ATP7A: variants seen among roughly 807,000 people sequenced by gnomAD.
ATP7A encodes copper-transporting ATPase 1.
In ATP7A, 7 loss-of-function variants were observed where a neutral mutation model predicts 83.5. The observed-to-expected ratio is 0.08, with a 90% CI of 0.05 to 0.16. The LOEUF (loss-of-function observed/expected upper bound fraction) is 0.16. ATP7A is among the 10% of genes least tolerant of loss of function. ATP7A has a pLI of 1.00. For synonymous variants in ATP7A, 354 were observed against 395.2 expected, an observed-to-expected ratio of 0.90 and a Z score of 1.24; for missense variants, 940 against 1,120.8, an observed-to-expected ratio of 0.84 and a Z score of 2.30.
rs782331879 is a variant in ATP7A at position 78,046,675 on chromosome X, C to T, written c.*105C>T. On this transcript the variant is annotated 3_prime_UTR_variant, in exon 23 of 23. Transcript: ENST00000341514. ...ATTGTAGAAGGATTTTTCTCATGCT[C>T]TTATATTAGGGATTCTATTTGAGTT... 4.8e-6 allele frequency: 5 copies of T among 1,046,443 alleles called. No individual in the cohort carries two copies. The East Asian group carries it at 9.1e-5, about 19-fold the overall frequency. 86.2% of individuals were successfully genotyped at this position (1,046,443 alleles called of 1,213,427 possible). A position where few individuals can be genotyped will look rare whatever the true frequency, so the allele number is the denominator to read the frequency against.
At chrX:77,930,283 A>C (rs1294831411) in intron 1 of ATP7A, among the ~76,000 whole-genome samples, 2 of 111,736 alleles carry the variant, frequency 1.8e-5, no homozygotes, top group Non-Finnish European at 1.9e-5. Context: ...TACTAAGTGA[A>C]TCTGAAAGGC....
At chrX:78,043,726 C>T (rs1280886673) in intron 21 of ATP7A, among the ~76,000 whole-genome samples, 3 of 100,505 alleles carry the variant, frequency 3.0e-5, no homozygotes, top group African/African-American at 7.4e-5. Flanking sequence ...CATACAATCT[C>T]GGCTCACTGC....
intron 1 of ATP7A, among the ~76,000 whole-genome samples, chrX:77,944,805 GGTAT>G (rs781880907): frequency 9.7e-4 from 104 of 107,241 alleles, no homozygotes; most frequent in Middle Eastern, 4.7e-3. Context: ...TCCTCAGTAT[GGTAT>G]GTATGTATGT....
At chrX:78,002,891 G>A (rs2077750065) in intron 5 of ATP7A, among the ~76,000 whole-genome samples, 182 bp from the exon 6 acceptor site, 1 of 109,128 alleles carries the variant, frequency 9.2e-6, no homozygotes, top group African/African-American at 3.3e-5. Context: ...ATCAGGCTAT[G>A]TTTTGGAATA....
chrX:77,942,053 A>G (rs1031197863), intron 1 of ATP7A, among the ~76,000 whole-genome samples: 2 of 112,056 alleles, frequency 1.8e-5, no homozygotes, highest in African/African-American at 6.5e-5. Flanking sequence ...CAGGTTTACT[A>G]TTTTTAGGCA....
chrX:77,972,336 C>T (rs1486007266), intron 2 of ATP7A, among the ~76,000 whole-genome samples: 2 of 110,354 alleles, frequency 1.8e-5, no homozygotes, highest in Non-Finnish European at 3.8e-5. Flanking sequence ...GGACCACAGG[C>T]GTGCACCACC....
intron 1 of ATP7A, among the ~76,000 whole-genome samples, chrX:77,932,197 C>G (rs1489856059): frequency 9.3e-6 from 1 of 107,488 alleles, no homozygotes; most frequent in East Asian, 3.1e-4. Context: ...ATGGGGCGGC[C>G]GGGCAGAGAC....
At chrX:78,022,172 G>A (rs1375525824) in intron 14 of ATP7A, among the ~76,000 whole-genome samples, 2 of 111,573 alleles carry the variant, frequency 1.8e-5, no homozygotes, top group Non-Finnish European at 3.8e-5. Flanking sequence ...TTTCCTGGTC[G>A]TGTGACAAGA....
In ATP7A at chrX:78,046,888, C is replaced by CAAA. The variant is rs200387829; in HGVS notation, c.*327_*329dup. On this transcript the variant is annotated 3_prime_UTR_variant, in exon 23 of 23. Coordinates refer to ENST00000341514, the MANE Select transcript of ATP7A (RefSeq NM_000052.7). ...TAAAGTGATTTTTTTTTTATTTGAC[C>CAAA]AAAAAAAAAAAGGCCCAAGAAGAAG... 1.5e-3 allele frequency: 197 copies of CAAA among 132,992 alleles called. 2 individuals carry two copies. Among genetic ancestry groups the CAAA allele is most frequent in the South Asian group, 4.8e-3 (17 of 3,537 alleles). The allele number at this position is 132,992 out of a possible 1,213,427, so 11.0% of individuals were successfully genotyped here.
intron 7 of ATP7A, among the ~76,000 whole-genome samples, chrX:78,010,182 A>C (rs782554769): frequency 2.1e-4 from 24 of 112,399 alleles, no homozygotes; most frequent in Non-Finnish European, 5.6e-5. Flanking sequence ...GCAAAGCTTC[A>C]ACCCTTAATT....
intron 17 of ATP7A, among the ~76,000 whole-genome samples, chrX:78,037,979 G>GTTTTTTTTTTTTT (rs1557237904): frequency 1.8e-5 from 1 of 56,852 alleles, no homozygotes; most frequent in Non-Finnish European, 3.0e-5. Flanking sequence ...GATCAAGAAA[G>GTTTTTTTTTTTTT]GTTTTTTTTT....
chrX:78,046,066 CA>C (rs1557239063), intron 22 of ATP7A, among the ~76,000 whole-genome samples: 1 of 112,231 alleles, frequency 8.9e-6, no homozygotes, highest in East Asian at 2.8e-4. Flanking sequence ...ATAGCAACCA[CA>C]AGCACTGAGT....
chrX:77,997,221 TA>T (rs1557232655), intron 4 of ATP7A, among the ~76,000 whole-genome samples: 5 of 112,411 alleles, frequency 4.4e-5, no homozygotes, highest in South Asian at 3.6e-4. Flanking sequence ...TACTCAGACC[TA>T]GGCTGGCAGC....
At position 78,038,947 on chromosome X, in the gene ATP7A, G is replaced by T. The variant is rs146392305; in HGVS notation, c.3623G>T (p.Arg1208Ile). Reference sequence around the variant, plus strand: ...AATGATTTCATGACTGAACATGAGAGAAAAGGTCGGACTGCTGTATTAGTA... The same window carrying T: ...AATGATTTCATGACTGAACATGAGATAAAAGGTCGGACTGCTGTATTAGTA... ...DVNDFMTEHE[R>I]KGRTAVLVAV... Residue 1208 changes from arginine (R) to isoleucine (I), a missense_variant, in exon 18 of 23, where the codon AGA becomes ATA. By Grantham distance (97) the Arg-to-Ile change is moderately conservative. Around this residue, in one of 3 missense-constraint regions of ATP7A, gnomAD observed 386 missense variants for 502.2 expected, o/e 0.77. Coordinates refer to ENST00000341514, the MANE Select transcript of ATP7A (RefSeq NM_000052.7). 24 of 1,209,812 alleles carry T rather than the reference G, an allele frequency of 2.0e-5. No homozygotes were observed. The African/African-American group carries it at 3.8e-4, about 19-fold the overall frequency.
At chrX:77,946,656 A>G in intron 1 of ATP7A, among the ~76,000 whole-genome samples, 1 of 108,881 alleles carries the variant, frequency 9.2e-6, no homozygotes, top group Non-Finnish European at 1.9e-5. Flanking sequence ...TGATTCTTCA[A>G]TTCTTCATTG....
chrX:78,045,565 C>A lies in ATP7A; in HGVS notation c.4219C>A (p.Leu1407Ile), dbSNP rs1557239007. Residue 1407 changes from leucine (L) to isoleucine (I), a missense_variant, in exon 22 of 23, where the codon CTT (leucine) becomes ATT (isoleucine). This residue lies in a region of ATP7A where 386 missense variants were observed against 502.2 expected (regional missense o/e 0.77). Coordinates refer to ENST00000341514, the MANE Select transcript of ATP7A (RefSeq NM_000052.7). ...TTCTGTAGTACTTTCTTCTCTCTTC[C>A]TTAAACTGTAAGTATGATAGCTTGC... ...SVSVVLSSLF[L>I]KLYRKPTYES... 8.4e-7 allele frequency: 1 copy of A among 1,196,027 alleles called. No individual in the cohort carries two copies. The highest frequency in any genetic ancestry group is 2.2e-5 in the Admixed American group (1 of 46,055).
intron 1 of ATP7A, among the ~76,000 whole-genome samples, chrX:77,929,630 C>A (rs1482032705): frequency 1.9e-5 from 2 of 103,209 alleles, no homozygotes; most frequent in East Asian, 2.9e-4. Context: ...TGTTTCTTTT[C>A]TTTTTCTTTT....
Position 78,031,495 on chromosome X carries a change from A to G in ATP7A, c.3207A>G (p.Ser1069=). ...TTCTAACTGAAAGTAACAGAATATC[A>G]CACCATAAAATCTTGGCCATTGTGG... ...VKVLTESNRI[S]HHKILAIVGT... The change falls in exon 16 of 23, where the codon TCA becomes TCG. Residue 1069 remains serine (S), a synonymous_variant. Transcript: ENST00000341514. 2 of 1,210,900 alleles carry G rather than the reference A, an allele frequency of 1.7e-6. No homozygotes were observed. The highest frequency in any genetic ancestry group is 2.2e-6 in the Non-Finnish European group (2 of 894,651).
intron 19 of ATP7A, 92 bp from the exon 20 acceptor site, chrX:78,042,493 T>C (rs1199808610): frequency 1.1e-6 from 1 of 911,784 alleles, no homozygotes; most frequent in East Asian, 3.1e-5. Flanking sequence ...TGTGGACATC[T>C]TGTGGGTGAA....
Sources: allele counts gnomAD v4.1 joint callset (sites outside exome capture counted in the v4.1 genomes callset), GRCh38; gene constraint gnomAD v4.1.1; regional missense constraint gnomAD v4.1.1; transcripts MANE v1.5; gene names NCBI Gene and HGNC (gene_info 2026-07-23, HGNC 2026-07-21).